PCBD2: variants seen among roughly 807,000 people sequenced by gnomAD.
PCBD2 encodes the protein pterin-4-alpha-carbinolamine dehydratase 2.
Under a neutral mutation model 16.4 loss-of-function variants are expected in PCBD2, and 12 were observed. The observed-to-expected ratio is 0.73, with a 90% CI of 0.47 to 1.19. PCBD2 has a LOEUF of 1.19. Ranked by LOEUF, PCBD2 falls within the 50% of genes most tolerant of loss-of-function variation. The pLI is 0.00. For synonymous variants in PCBD2, 58 were observed against 61.8 expected (o/e 0.94, Z 0.29); for missense variants, 138 against 156.8 (o/e 0.88, Z 0.64).
intron 2 of PCBD2, among the ~76,000 whole-genome samples, chr5:134,917,667 T>G (rs534894552): frequency 6.6e-6 from 1 of 152,336 alleles, no homozygotes; most frequent in African/African-American, 2.4e-5. Flanking sequence ...TTCATCACCC[T>G]CACCTTTTGG....
chr5:134,921,585 A>G (rs1336146152), intron 2 of PCBD2, among the ~76,000 whole-genome samples: 4 of 152,142 alleles, frequency 2.6e-5, no homozygotes, highest in Non-Finnish European at 4.4e-5. Flanking sequence ...CTCCTGGGGT[A>G]GCTTTCCCAC....
chr5:134,912,812 C>G (rs1750784261), intron 2 of PCBD2, among the ~76,000 whole-genome samples: 1 of 152,150 alleles, frequency 6.6e-6, no homozygotes, highest in Non-Finnish European at 1.5e-5. Flanking sequence ...CAGGCCAGCG[C>G]CCAGGTGTCA....
At chr5:134,916,492 C>T (rs1393475037) in intron 2 of PCBD2, among the ~76,000 whole-genome samples, 5 of 152,086 alleles carry the variant, frequency 3.3e-5, no homozygotes, top group African/African-American at 1.2e-4. Context: ...CTTTAGTCTT[C>T]ATTTCTTTTG....
At chr5:134,960,151 G>T (rs1751459442) in intron 3 of PCBD2, among the ~76,000 whole-genome samples, 1 of 152,194 alleles carries the variant, frequency 6.6e-6, no homozygotes, top group Admixed American at 6.5e-5. Context: ...GATTACAGGT[G>T]TGAGCCACCA....
intron 2 of PCBD2, among the ~76,000 whole-genome samples, chr5:134,957,147 C>T (rs1751423558): frequency 6.6e-6 from 1 of 152,150 alleles, no homozygotes; most frequent in South Asian, 2.1e-4. Context: ...CCTGTAATCC[C>T]AGCTGCTCAG....
chr5:134,913,053 A>G (rs752009587), intron 2 of PCBD2, among the ~76,000 whole-genome samples: 2 of 152,218 alleles, frequency 1.3e-5, no homozygotes, highest in Non-Finnish European at 2.9e-5. Flanking sequence ...TTTGCCAAGT[A>G]TGCCAGAGCA....
intron 2 of PCBD2, chr5:134,927,709 A>G: frequency 2.5e-6 from 1 of 398,172 alleles, no homozygotes; most frequent in Non-Finnish European, 4.4e-6. Flanking sequence ...ATGGCTGTGA[A>G]TGTCATAATT....
intron 1 of PCBD2, among the ~76,000 whole-genome samples, chr5:134,907,908 C>T (rs1010651538): frequency 2.4e-4 from 36 of 149,790 alleles, no homozygotes; most frequent in African/African-American, 8.6e-4. Context: ...AGGTGTGAGC[C>T]ACCACGCCCG....
intron 1 of PCBD2, among the ~76,000 whole-genome samples, chr5:134,905,934 G>A (rs139788263): frequency 0.014 from 2,167 of 152,238 alleles, 17 homozygotes; most frequent in Non-Finnish European, 0.022. Flanking sequence ...GTGGAGTGGC[G>A]CGATCTCGGC....
At chr5:134,907,966 G>T (rs1405297882) in intron 1 of PCBD2, among the ~76,000 whole-genome samples, 2 of 150,914 alleles carry the variant, frequency 1.3e-5, no homozygotes, top group Non-Finnish European at 2.9e-5. Context: ...CTGTTGCCCA[G>T]GCTGGAATGC....
intron 2 of PCBD2, among the ~76,000 whole-genome samples, chr5:134,934,206 T>C (rs967554481): frequency 6.6e-6 from 1 of 152,152 alleles, no homozygotes; most frequent in Non-Finnish European, 1.5e-5. Flanking sequence ...TTCCCCTTTG[T>C]ATTTGTCTCT....
intron 2 of PCBD2, among the ~76,000 whole-genome samples, chr5:134,911,370 G>A (rs910284298): frequency 2.0e-5 from 3 of 152,180 alleles, no homozygotes; most frequent in Non-Finnish European, 2.9e-5. Flanking sequence ...GACCCACCCT[G>A]TTTAGAGAGT....
intron 2 of PCBD2, among the ~76,000 whole-genome samples, chr5:134,954,084 A>T (rs992232715): frequency 6.6e-6 from 1 of 152,064 alleles, no homozygotes; most frequent in Non-Finnish European, 1.5e-5. Flanking sequence ...CAACCTCCTG[A>T]GTAGCTAGGA....
intron 2 of PCBD2, among the ~76,000 whole-genome samples, chr5:134,957,316 A>G (rs749578046): frequency 2.0e-5 from 3 of 152,178 alleles, no homozygotes; most frequent in Non-Finnish European, 2.9e-5. Flanking sequence ...TAAGTGATAG[A>G]ATCAGGATTT....
intron 2 of PCBD2, among the ~76,000 whole-genome samples, chr5:134,938,437 A>G (rs1751187135): frequency 6.6e-6 from 1 of 152,138 alleles, no homozygotes; most frequent in South Asian, 2.1e-4. Flanking sequence ...GTATTGATGG[A>G]ACTTCTGAAT....
chr5:134,926,702 G>T, intron 2 of PCBD2: 1 of 397,196 alleles, frequency 2.5e-6, no homozygotes, highest in South Asian at 1.3e-4. Context: ...GGGATAGGAG[G>T]AGGATAGGGG....
At chr5:134,937,854 G>A (rs959427502) in intron 2 of PCBD2, among the ~76,000 whole-genome samples, 1 of 152,206 alleles carries the variant, frequency 6.6e-6, no homozygotes, top group African/African-American at 2.4e-5. Context: ...TTATCAGTCT[G>A]ATGCAAGCGT....
intron 2 of PCBD2, among the ~76,000 whole-genome samples, chr5:134,910,949 A>G (rs924385812): frequency 1.3e-5 from 2 of 152,026 alleles, no homozygotes; most frequent in Non-Finnish European, 2.9e-5. Context: ...TGCCATGCCC[A>G]GCTAATTTTT....
chr5:134,907,857 C>T (rs1014069605), intron 1 of PCBD2, among the ~76,000 whole-genome samples: 3 of 147,610 alleles, frequency 2.0e-5, no homozygotes, highest in African/African-American at 5.0e-5. Flanking sequence ...CTCCTGCCCT[C>T]GTGATCCACC....
Sources: gnomAD v4.1 joint callset for allele counts (sites outside exome capture counted in the v4.1 genomes callset) on GRCh38, gnomAD v4.1.1 for gene constraint, MANE v1.5 for transcripts, NCBI Gene and HGNC (gene_info 2026-07-23, HGNC 2026-07-21) for gene names.